Variants in IFFO2 observed in about 807,000 individuals in gnomAD.
IFFO2 encodes intermediate filament family orphan 2.
A neutral mutation model predicts 53.5 loss-of-function variants in IFFO2; 19 were observed. The ratio of observed to expected loss-of-function variants is 0.36; its 90% confidence interval spans 0.25 to 0.52. IFFO2 has a LOEUF of 0.52. IFFO2 is among the 20% of genes least tolerant of loss of function. The pLI is 0.94. For synonymous variants in IFFO2, 303 were observed against 313.6 expected (o/e 0.97, Z 0.36); for missense variants, 570 against 727.4 (o/e 0.78, Z 2.49).
intron 5 of IFFO2, among the ~76,000 whole-genome samples, chr1:18,912,794 C>T (rs1027924965): frequency 5.3e-5 from 8 of 152,156 alleles, no homozygotes; most frequent in Non-Finnish European, 7.3e-5. Context: ...CCTTCTAGAC[C>T]AATACATGCT....
intron 1 of IFFO2, among the ~76,000 whole-genome samples, chr1:18,926,839 A>G (rs1936304589): frequency 6.6e-6 from 1 of 152,090 alleles, no homozygotes; most frequent in Non-Finnish European, 1.5e-5. Context: ...GGGCTGACTC[A>G]CAGATTTTTC....
At chr1:18,943,352 G>C (rs1051211280) in intron 1 of IFFO2, among the ~76,000 whole-genome samples, 25 of 152,206 alleles carry the variant, frequency 1.6e-4, no homozygotes, top group African/African-American at 5.8e-4. Flanking sequence ...AGCACTCCAG[G>C]CAGGGCAACA....
At position 18,919,413 on chromosome 1, in the gene IFFO2, C is replaced by T. The variant is rs1936182843; in HGVS notation, c.822+265G>A. Among the ~76,000 whole-genome samples, 1 of 151,436 alleles carries T rather than the reference C, an allele frequency of 6.6e-6. No individual in the cohort carries two copies. ...GTGGGAGCAAACACACACAGACCAT[C>T]AGGGGAGCCCGGGGGAGGGCGGGAT... On this transcript the variant is annotated intron_variant, in intron 3 of 8. Coordinates refer to ENST00000455833, the MANE Select transcript of IFFO2 (RefSeq NM_001136265.2). The surrounding 1 kb of genome is among the most constrained non-coding windows in gnomAD (Gnocchi z 4.9).
intron 8 of IFFO2, among the ~76,000 whole-genome samples, chr1:18,908,990 G>A (rs1185613328): frequency 6.6e-6 from 1 of 151,848 alleles, no homozygotes; most frequent in Non-Finnish European, 1.5e-5. Context: ...AAACCTGAAT[G>A]ACTCAGAGCT....
intron 1 of IFFO2, among the ~76,000 whole-genome samples, chr1:18,923,227 G>A (rs1261051042): frequency 2.6e-5 from 4 of 152,186 alleles, no homozygotes; most frequent in Non-Finnish European, 5.9e-5. Flanking sequence ...TCCCTTGGAC[G>A]CAGGCACCCA....
intron 1 of IFFO2, among the ~76,000 whole-genome samples, chr1:18,949,779 ATG>A (rs1054592940): frequency 2.0e-5 from 3 of 152,242 alleles, no homozygotes; most frequent in East Asian, 1.9e-4. Flanking sequence ...GTGTATGTGA[ATG>A]TGTGTGTGTG....
In IFFO2 at chr1:18,917,620, C is replaced by G. The variant is rs538083163; in HGVS notation, c.964-578G>C. Among the ~76,000 whole-genome samples the G allele has an allele frequency of 1.3e-3, 194 of 152,082 alleles. 2 individuals are homozygous for G. Among genetic ancestry groups the G allele is most frequent in the Non-Finnish European group, 1.9e-3 (130 of 68,024 alleles). On this transcript the variant is annotated intron_variant, in intron 4 of 8. Coordinates refer to ENST00000455833, the MANE Select transcript of IFFO2 (RefSeq NM_001136265.2). The surrounding 1 kb of genome is among the most constrained non-coding windows in gnomAD (Gnocchi z 5.9). ...GGCCCCAGGGAGGCCCAGATCTGGC[C>G]CAGCGACGTCAAAGTCACACACACA...
intron 7 of IFFO2, 59 bp from the exon 8 acceptor site, chr1:18,910,531 C>T (rs540116250): frequency 1.9e-6 from 3 of 1,551,928 alleles, no homozygotes; most frequent in African/African-American, 1.4e-5. Flanking sequence ...ACAGAAGCCT[C>T]GGCAACCTCT....
chr1:18,918,429 T>C lies in IFFO2; in HGVS notation c.896A>G (p.Asp299Gly), dbSNP rs1936167634. The C allele has an allele frequency of 3.2e-6, 5 of 1,560,830 alleles. No individual in the cohort carries two copies. In the East Asian group the frequency reaches 7.2e-5, roughly 22 times the overall value. Residue 299 changes from aspartate (D) to glycine (G), a missense_variant, in exon 4 of 9, where the codon GAT (aspartate) becomes GGT (glycine). Asp to Gly is a moderately conservative substitution (Grantham distance 94, BLOSUM62 -1). Transcript: ENST00000455833. This position sits in a 1 kb window ranked among gnomAD's most constrained non-coding sequence, Gnocchi z 5.2. ...KVDMDICRRIDITAKLCDVAQ... is the reference protein window; with the variant it reads ...KVDMDICRRIGITAKLCDVAQ... ...GACATCGCACAGCTTGGCCGTGATA[T>C]CGATTCGGCGGCAGATGTCCATGTC...
At chr1:18,913,099 C>T (rs1936064921) in intron 5 of IFFO2, among the ~76,000 whole-genome samples, 1 of 152,258 alleles carries the variant, frequency 6.6e-6, no homozygotes, top group Non-Finnish European at 1.5e-5. Flanking sequence ...TGCCTGCCCT[C>T]CCTCAACTCC....
rs997120030 is a variant in IFFO2, at chr1:18,929,130, G to A, written c.666-8009C>T. ...GGCAATTCTGCAGAAGGAAGGGCAG[G>A]TGAGCTGAGAAAGTCATCTGCCTCT... is the stretch of plus-strand genomic sequence containing the variant. On this transcript the variant is annotated intron_variant, in intron 1 of 8. Coordinates refer to ENST00000455833, the MANE Select transcript of IFFO2 (RefSeq NM_001136265.2). Among the ~76,000 whole-genome samples the A allele has an allele frequency of 3.3e-5, 5 of 152,214 alleles. No homozygotes were observed. The South Asian group carries it at 6.2e-4, about 19-fold the overall frequency.
chr1:18,915,609 G>A (rs1002372129), intron 5 of IFFO2, among the ~76,000 whole-genome samples: 1 of 151,884 alleles, frequency 6.6e-6, no homozygotes, highest in Non-Finnish European at 1.5e-5. Flanking sequence ...CTAGCTGAGT[G>A]GTGTTACCCA....
rs1408569627 is a variant in IFFO2 at position 18,912,016 on chromosome 1, G to A, written c.1171C>T (p.Leu391=). ...CAGTTGGTGAAATCCTCCCAGAGCA[G>A]CAGCGTGTCTTCATTCTCTTCCCAC... ...LTWEENEDTL[L]LWEDFTNCNP... is the part of the protein sequence containing the mutation. The change falls in exon 6 of 9, where the codon CTG becomes TTG. Residue 391 remains leucine (L), a synonymous_variant. Coordinates refer to ENST00000455833, the MANE Select transcript of IFFO2 (RefSeq NM_001136265.2). 1.9e-6 allele frequency: 3 copies of A among 1,551,668 alleles called. No homozygotes were observed. Among genetic ancestry groups the A allele is most frequent in the African/African-American group, 1.4e-5 (1 of 73,048 alleles).
intron 1 of IFFO2, among the ~76,000 whole-genome samples, chr1:18,940,717 C>G (rs1936509393): frequency 6.6e-6 from 1 of 152,180 alleles, no homozygotes; most frequent in South Asian, 2.1e-4. Flanking sequence ...TTACACCTGC[C>G]CACAAGGCCT....
rs149333682 is a variant in IFFO2 at position 18,919,951 on chromosome 1, C to G, written c.727-178G>C. Among the ~76,000 whole-genome samples the G allele has an allele frequency of 6.6e-6, 1 of 152,372 alleles. No homozygotes were observed. The highest frequency in any genetic ancestry group is 2.4e-5 in the African/African-American group (1 of 41,580). ...CTGACTTCCCACTGAACACTGTTGA[C>G]TGCTTAAAACACTTTTCAAAGCGTT... On this transcript the variant is annotated intron_variant, in intron 2 of 8. Transcript: ENST00000455833. This position sits in a 1 kb window ranked among gnomAD's most constrained non-coding sequence, Gnocchi z 4.9.
At position 18,956,260 on chromosome 1, in the gene IFFO2, A is replaced by G; in HGVS notation, c.73T>C (p.Cys25Arg). ...GCPPGGGGGG[C>R]PGGGGGGGGA... ...CCGCCGCCGCCGCCCCCGCCAGGGCAGCCCCCGCCGCCGCCGCCCGGCGGG... is the reference window on the plus strand; with the variant it reads ...CCGCCGCCGCCGCCCCCGCCAGGGCGGCCCCCGCCGCCGCCGCCCGGCGGG... The change falls in exon 1 of 9, where the codon TGC (cysteine) becomes CGC (arginine). Residue 25 changes from cysteine (C) to arginine (R), a missense_variant. Physicochemically the swap from Cys to Arg is radical, Grantham distance 180. Coordinates refer to ENST00000455833, the MANE Select transcript of IFFO2 (RefSeq NM_001136265.2). The surrounding 1 kb of genome is among the most constrained non-coding windows in gnomAD (Gnocchi z 6.4). 2 of 972,488 alleles carry G rather than the reference A, an allele frequency of 2.1e-6. No homozygotes were observed. Among genetic ancestry groups the G allele is most frequent in the Non-Finnish European group, 2.5e-6 (2 of 789,412 alleles). 60.2% of individuals were successfully genotyped at this position (972,488 alleles called of 1,614,324 possible).
At chr1:18,910,493 A>G in intron 7 of IFFO2, 21 bp from the exon 8 acceptor site, 1 of 1,601,372 alleles carries the variant, frequency 6.2e-7, no homozygotes, top group Admixed American at 1.7e-5. Flanking sequence ...CCAATGAGGA[A>G]TAAGGGTGAG....
chr1:18,921,354 G>T (rs113839521), intron 1 of IFFO2, among the ~76,000 whole-genome samples: 1 of 152,206 alleles, frequency 6.6e-6, no homozygotes, highest in Non-Finnish European at 1.5e-5. Context: ...CAAGTGCCAC[G>T]TTAAGGTATG....
At position 18,918,320 on chromosome 1, in the gene IFFO2, G is replaced by A; in HGVS notation, c.963+42C>T. 6.5e-7 allele frequency: 1 copy of A among 1,539,036 alleles called. No individual in the cohort carries two copies. Among genetic ancestry groups the A allele is most frequent in the African/African-American group, 1.4e-5 (1 of 72,952 alleles). On this transcript the variant is annotated intron_variant, in intron 4 of 8. Transcript: ENST00000455833. The surrounding 1 kb of genome is among the most constrained non-coding windows in gnomAD (Gnocchi z 5.2). ...GGGGTGGAGGCCAGGGCTGCTCTGG[G>A]AGAGTGGGGGGTTGGCTGGTGAGCA...
Sources: allele counts gnomAD v4.1 joint callset (sites outside exome capture counted in the v4.1 genomes callset), GRCh38; gene constraint gnomAD v4.1.1; non-coding constraint Gnocchi (gnomAD v3.1); transcripts MANE v1.5; gene names NCBI Gene and HGNC (gene_info 2026-07-23, HGNC 2026-07-21).